LAMA2: variants seen among roughly 807,000 people sequenced by gnomAD.
The protein encoded by LAMA2 is laminin subunit alpha 2.
Under a neutral mutation model 364.8 loss-of-function variants are expected in LAMA2, and 269 were observed. The ratio of observed to expected loss-of-function variants is 0.74; its 90% confidence interval spans 0.67 to 0.82. LAMA2 has a LOEUF of 0.82. Ranked by LOEUF, LAMA2 falls within the 40% of genes least tolerant of loss-of-function variation. The pLI is 0.00. For synonymous variants in LAMA2, 1,379 were observed against 1,370.6 expected, an observed-to-expected ratio of 1.01 and a Z score of -0.14; for missense variants, 3,807 against 3,873.2, an observed-to-expected ratio of 0.98 and a Z score of 0.45.
intron 1 of LAMA2, among the ~76,000 whole-genome samples, chr6:128,952,925 G>T (rs1488095303): frequency 2.0e-5 from 3 of 152,092 alleles, no homozygotes; most frequent in African/African-American, 7.2e-5. Context: ...TTTCCTCTTT[G>T]TTGTCTTTAT....
chr6:129,226,895 G>T (rs1043254882), intron 12 of LAMA2, among the ~76,000 whole-genome samples: 4 of 152,122 alleles, frequency 2.6e-5, no homozygotes, highest in Non-Finnish European at 5.9e-5. Context: ...CTAGGTTGGG[G>T]AAGTTCTCCT....
intron 8 of LAMA2, chr6:129,158,712 TG>T (rs1779275713): frequency 6.2e-7 from 1 of 1,614,156 alleles, no homozygotes; most frequent in Non-Finnish European, 8.5e-7. Flanking sequence ...AGGGGGCATG[TG>T]GGTTGCAAAT....
intron 1 of LAMA2, among the ~76,000 whole-genome samples, chr6:128,941,920 G>A (rs1379945446): frequency 6.6e-6 from 1 of 152,134 alleles, no homozygotes; most frequent in Non-Finnish European, 1.5e-5. Flanking sequence ...GGGGGACAAT[G>A]TTGGCCTGCA....
intron 3 of LAMA2, among the ~76,000 whole-genome samples, chr6:129,085,272 G>A (rs1047235544): frequency 1.3e-5 from 2 of 152,140 alleles, no homozygotes; most frequent in African/African-American, 4.8e-5. Flanking sequence ...TTCTAGTGAA[G>A]GCTTTTACAA....
intron 1 of LAMA2, among the ~76,000 whole-genome samples, chr6:128,988,360 T>TA (rs1006113803): frequency 7.7e-4 from 116 of 149,718 alleles, no homozygotes; most frequent in African/African-American, 2.3e-3. Context: ...GATGCTGGAC[T>TA]AAAAAAAAAA....
chr6:129,275,878 A>G (rs1788288749), intron 17 of LAMA2, among the ~76,000 whole-genome samples: 1 of 152,086 alleles, frequency 6.6e-6, no homozygotes, highest in Non-Finnish European at 1.5e-5. Context: ...GGTTTAGAGA[A>G]ATATATCGTT....
intron 43 of LAMA2, 124 bp from the exon 44 acceptor site, chr6:129,442,939 T>TTA (rs1388777490): frequency 6.4e-5 from 43 of 671,564 alleles, no homozygotes; most frequent in South Asian, 5.3e-4. Flanking sequence ...TGGGGTGCAT[T>TTA]TATAATTAGT....
intron 37 of LAMA2, among the ~76,000 whole-genome samples, chr6:129,395,171 C>G (rs1779541110): frequency 6.6e-6 from 1 of 151,698 alleles, no homozygotes; most frequent in African/African-American, 2.4e-5. Flanking sequence ...TCTCCCTGGG[C>G]TAATCTGATG....
chr6:128,927,248 T>C (rs898136088), intron 1 of LAMA2, among the ~76,000 whole-genome samples: 6 of 152,222 alleles, frequency 3.9e-5, no homozygotes, highest in Non-Finnish European at 8.8e-5. Context: ...TGCACTTAAA[T>C]TGGAGAATAT....
intron 5 of LAMA2, among the ~76,000 whole-genome samples, chr6:129,145,036 A>G (rs1778350009): frequency 6.6e-6 from 1 of 152,012 alleles, no homozygotes; most frequent in Admixed American, 6.6e-5. Flanking sequence ...CCATAACTCT[A>G]TAAAGTAAAC....
At chr6:129,330,808 CTTAT>C (rs1305028168) in intron 29 of LAMA2, among the ~76,000 whole-genome samples, 2 of 151,892 alleles carry the variant, frequency 1.3e-5, no homozygotes, top group Admixed American at 6.6e-5. Context: ...TACTCCTTTA[CTTAT>C]TTTTTACTCA....
intron 12 of LAMA2, among the ~76,000 whole-genome samples, chr6:129,197,113 A>G (rs1160074075): frequency 3.3e-5 from 5 of 152,332 alleles, no homozygotes; most frequent in East Asian, 1.9e-4. Context: ...CTGGTATAGC[A>G]TAACATAACA....
intron 1 of LAMA2, among the ~76,000 whole-genome samples, chr6:128,973,597 G>A (rs891053641): frequency 4.6e-5 from 7 of 151,982 alleles, no homozygotes; most frequent in African/African-American, 1.7e-4. Context: ...TAACTTATTG[G>A]CTTATTATTT....
intron 1 of LAMA2, among the ~76,000 whole-genome samples, chr6:128,907,948 C>G: frequency 6.6e-6 from 1 of 151,952 alleles, no homozygotes; most frequent in Non-Finnish European, 1.5e-5. Flanking sequence ...TACTGATTTG[C>G]GTATATTGAA....
Position 128,950,282 on chromosome 6 carries a change from C to T in LAMA2, c.112+66925C>T, listed in dbSNP as rs371125941. ...GTGGGGAGAAGCTTTGGGTTTGGCA[C>T]TCCAGGAAGATATGTTCAAAGCAGA... On this transcript the variant is annotated intron_variant, in intron 1 of 64. Coordinates refer to ENST00000421865, the MANE Select transcript of LAMA2 (RefSeq NM_000426.4). 7.2e-5 allele frequency among the ~76,000 whole-genome samples: 11 copies of T among 151,892 alleles called. No homozygotes were observed. In the South Asian group the frequency reaches 2.1e-3, roughly 29 times the overall value.
At chr6:129,480,601 C>T (rs933755122) in intron 54 of LAMA2, among the ~76,000 whole-genome samples, 4 of 152,132 alleles carry the variant, frequency 2.6e-5, no homozygotes, top group Non-Finnish European at 5.9e-5. Context: ...TATGCTTCTG[C>T]ACAGCTTTGA....
At chr6:129,300,201 TA>T (rs1324324891) in intron 21 of LAMA2, among the ~76,000 whole-genome samples, 2 of 152,210 alleles carry the variant, frequency 1.3e-5, no homozygotes, top group Non-Finnish European at 2.9e-5. Context: ...ACAGTGTCCA[TA>T]ATTCAACCAT....
chr6:129,257,832 A>T (rs1671183489), intron 14 of LAMA2, among the ~76,000 whole-genome samples: 1 of 152,098 alleles, frequency 6.6e-6, no homozygotes, highest in African/African-American at 2.4e-5. Context: ...GTCAAATCAA[A>T]CAAGTAATTT....
intron 40 of LAMA2, among the ~76,000 whole-genome samples, chr6:129,421,929 A>G (rs1336779441): frequency 6.6e-6 from 1 of 151,948 alleles, no homozygotes; most frequent in Non-Finnish European, 1.5e-5. Context: ...CAGCTGCCCA[A>G]TTCATCTTCT....
Sources: gnomAD v4.1 joint callset for allele counts (sites outside exome capture counted in the v4.1 genomes callset) on GRCh38, gnomAD v4.1.1 for gene constraint, MANE v1.5 for transcripts, NCBI Gene and HGNC (gene_info 2026-07-23, HGNC 2026-07-21) for gene names.